Variants in A2ML1 observed in about 807,000 individuals in gnomAD.
A2ML1 encodes the protein alpha-2-macroglobulin like 1.
A2ML1 carries 161 observed loss-of-function variants against 181.9 expected under a neutral mutation model. The observed-to-expected ratio is 0.89, with a 90% CI of 0.78 to 1.01. The LOEUF is 1.01. Among genes scored for constraint, A2ML1 ranks in the 50% least tolerant of loss-of-function variants. The pLI, the probability that A2ML1 is intolerant of heterozygous loss-of-function variation, is 0.00. For synonymous variants in A2ML1, 663 were observed against 666.8 expected, an observed-to-expected ratio of 0.99 and a Z score of 0.09; for missense variants, 1,670 against 1,768.1, an observed-to-expected ratio of 0.94 and a Z score of 1.00.
chr12:8,849,584 C>A, intron 16 of A2ML1, 85 bp from the exon 17 acceptor site: 1 of 1,097,620 alleles, frequency 9.1e-7, no homozygotes, highest in Non-Finnish European at 1.4e-6. Context: ...TTTGTTTCAA[C>A]TCTTTGATGG....
intron 3 of A2ML1, among the ~76,000 whole-genome samples, chr12:8,825,306 T>C (rs754701554): frequency 6.6e-6 from 1 of 152,222 alleles, no homozygotes; most frequent in Non-Finnish European, 1.5e-5. Flanking sequence ...GGTGAGATAA[T>C]ATCTCATTGT....
Position 8,852,074 on chromosome 12 carries a change from T to G in A2ML1, c.2463+62T>G. 6.3e-7 allele frequency: 1 copy of G among 1,590,010 alleles called. No individual in the cohort carries two copies. Among genetic ancestry groups the G allele is most frequent in the Non-Finnish European group, 8.6e-7 (1 of 1,162,736 alleles). On this transcript the variant is annotated intron_variant, in intron 19 of 35. Coordinates refer to ENST00000299698, the MANE Select transcript of A2ML1 (RefSeq NM_144670.6). The surrounding 1 kb of genome is among the most constrained non-coding windows in gnomAD (Gnocchi z 4.2). ...TGGAATCACACCTCCCCCATAAGTT[T>G]GTCTCTAAATTGGAAGCATCCCAAT...
intron 10 of A2ML1, 61 bp from the exon 11 acceptor site, chr12:8,841,308 T>A (rs1565471415): frequency 2.0e-6 from 3 of 1,489,154 alleles, no homozygotes; most frequent in Non-Finnish European, 2.7e-6. Flanking sequence ...TATTTCACTT[T>A]ACCTCATACT....
At chr12:8,849,548 G>A (rs1465546406) in intron 16 of A2ML1, 121 bp from the exon 17 acceptor site, 3 of 816,280 alleles carry the variant, frequency 3.7e-6, no homozygotes, top group East Asian at 2.5e-5. Flanking sequence ...GAACACCCAG[G>A]TTCACCATTA....
At chr12:8,832,298 C>A (rs73251229) in intron 4 of A2ML1, among the ~76,000 whole-genome samples, 4,298 of 152,228 alleles carry the variant, frequency 0.028, 209 homozygotes, top group African/African-American at 0.097. Context: ...CAGTGATGTT[C>A]TCCCCAGGAG....
intron 14 of A2ML1, 86 bp from the exon 15 acceptor site, chr12:8,847,463 G>A: frequency 1.4e-6 from 2 of 1,425,002 alleles, no homozygotes; most frequent in Non-Finnish European, 1.9e-6. Context: ...CATAGCTGGG[G>A]CATATTTGCT....
chr12:8,834,806 G>T (rs778482628), intron 5 of A2ML1, 124 bp downstream of exon 5: 2 of 1,194,998 alleles, frequency 1.7e-6, no homozygotes, highest in Non-Finnish European at 2.4e-6. Context: ...ACTCTGCCCA[G>T]CACCGAGCGC....
chr12:8,830,651 G>A (rs1271494886), intron 4 of A2ML1: 1 of 152,138 alleles, frequency 6.6e-6, no homozygotes, highest in African/African-American at 2.4e-5. Flanking sequence ...ACATGCTTCT[G>A]AGACACTTAC....
At position 8,850,257 on chromosome 12, in the gene A2ML1, G is replaced by A. The variant is rs765323007; in HGVS notation, c.2217G>A (p.Trp739Ter). Residue 739 changes from tryptophan (W) to a stop codon, truncating the protein, a stop_gained, in exon 18 of 36, where the codon TGG (tryptophan) becomes TGA (stop). Transcript: ENST00000299698. LOFTEE classifies it high-confidence loss of function. ...VRQYFPETWL[W>*]DLFPIGNSGK... ...AGTACTTCCCAGAGACCTGGCTCTG[G>A]GATCTGTTTCCTATTGGGTAAGTGA... 3 of 1,612,460 alleles carry A rather than the reference G, an allele frequency of 1.9e-6. No individual in the cohort carries two copies. The highest frequency in any genetic ancestry group is 2.5e-6 in the Non-Finnish European group (3 of 1,179,478).
chr12:8,844,100 A>G (rs1029893852), intron 12 of A2ML1, among the ~76,000 whole-genome samples: 5 of 152,010 alleles, frequency 3.3e-5, no homozygotes, highest in Non-Finnish European at 7.4e-5. Flanking sequence ...CATTGGGGGA[A>G]GAAAGAGATT....
intron 4 of A2ML1, among the ~76,000 whole-genome samples, chr12:8,831,122 T>C (rs1297471757): frequency 6.6e-6 from 1 of 151,976 alleles, no homozygotes; most frequent in Non-Finnish European, 1.5e-5. Flanking sequence ...GCTAATTATT[T>C]TATTTTTTTG....
chr12:8,845,123 A>G, intron 12 of A2ML1: 1 of 1,474,962 alleles, frequency 6.8e-7, no homozygotes. Context: ...TACAAAGATT[A>G]TAAGAAAATA....
downstream of A2ML1, among the ~76,000 whole-genome samples, chr12:8,880,069 A>G (rs1944855062): frequency 6.6e-6 from 1 of 152,206 alleles, no homozygotes; most frequent in Non-Finnish European, 1.5e-5. Flanking sequence ...AGAAAGCACA[A>G]AAAGCTACGG....
chr12:8,856,965 C>T (rs903618951), intron 23 of A2ML1, among the ~76,000 whole-genome samples, 199 bp from the exon 24 acceptor site: 3 of 145,498 alleles, frequency 2.1e-5, no homozygotes, highest in African/African-American at 7.6e-5. Context: ...AGGCTGGTCT[C>T]GAACTCCTGA....
Position 8,876,048 on chromosome 12 carries a change from C to T in A2ML1, c.*2-10C>T, listed in dbSNP as rs1359817296. On this transcript the variant is annotated splice_polypyrimidine_tract_variant and intron_variant, in intron 35 of 35. Transcript: ENST00000299698. ...GTCTTCTATTTTTTGTTTGATTGTT[C>T]GCTTTTCAGGATAGGAGCTGGAAAC... 2.6e-5 allele frequency: 4 copies of T among 151,382 alleles called. No homozygotes were observed. Among genetic ancestry groups the T allele is most frequent in the African/African-American group, 7.3e-5 (3 of 41,080 alleles). 9.4% of individuals were successfully genotyped at this position (151,382 alleles called of 1,614,324 possible).
intron 28 of A2ML1, among the ~76,000 whole-genome samples, chr12:8,861,613 C>G (rs868208668): frequency 3.3e-4 from 50 of 151,314 alleles, no homozygotes; most frequent in African/African-American, 1.2e-3. Flanking sequence ...TCAGCCTCCC[C>G]AGTAGCTGGG....
intron 14 of A2ML1, among the ~76,000 whole-genome samples, chr12:8,846,499 G>T (rs1943691684): frequency 2.0e-5 from 3 of 152,062 alleles, no homozygotes; most frequent in Non-Finnish European, 2.9e-5. Context: ...TAGGTCAAGG[G>T]TTCAAGACCA....
rs530564688 is a variant in A2ML1, at chr12:8,852,129, G to A, written c.2464-81G>A. 110 of 1,592,998 alleles carry A rather than the reference G, an allele frequency of 6.9e-5. 1 individual carries two copies. The highest frequency in any genetic ancestry group is 2.9e-4 in the East Asian group (13 of 44,698). ...CCTGGGAAAGAGAGGAGATGTCGGC[G>A]TCTCAGCCCCCAGGTTTCCCCAGGC... On this transcript the variant is annotated intron_variant, in intron 19 of 35. Transcript: ENST00000299698. This position sits in a 1 kb window ranked among gnomAD's most constrained non-coding sequence, Gnocchi z 4.2.
At chr12:8,848,176 A>G (rs757618304) in intron 15 of A2ML1, among the ~76,000 whole-genome samples, 2 of 151,554 alleles carry the variant, frequency 1.3e-5, no homozygotes, top group Admixed American at 6.6e-5. Flanking sequence ...GGATAAGAGA[A>G]AGGCATGGTT....
Sources: allele counts gnomAD v4.1 joint callset (sites outside exome capture counted in the v4.1 genomes callset), GRCh38; gene constraint gnomAD v4.1.1; non-coding constraint Gnocchi (gnomAD v3.1); transcripts MANE v1.5; gene names NCBI Gene and HGNC (gene_info 2026-07-23, HGNC 2026-07-21).